The following OR1L8 variants were observed in gnomAD, a reference collection of about 807,000 sequenced individuals.
OR1L8 encodes olfactory receptor 1L8.
For synonymous variants in OR1L8, 148 were observed against 147.0 expected, an observed-to-expected ratio of 1.01 and a Z score of -0.05; for missense variants, 330 against 377.4, an observed-to-expected ratio of 0.87 and a Z score of 1.04.
the OR1L8 span, chr9:122,554,233 C>T: frequency 1.2e-5 from 14 of 1,188,332 alleles, no homozygotes; most frequent in Admixed American, 3.0e-4. Flanking sequence ...AGTAATTCTA[C>T]TACTGTCATG....
intron 1 of OR1L8, among the ~76,000 whole-genome samples, chr9:122,579,833 G>C (rs971366860): frequency 2.5e-4 from 38 of 152,220 alleles, no homozygotes; most frequent in African/African-American, 8.7e-4. Flanking sequence ...CCAGGAAATT[G>C]AGTGCTTACA....
At chr9:122,547,213 G>A in the OR1L8 span, among the ~76,000 whole-genome samples, 2 of 151,910 alleles carry the variant, frequency 1.3e-5, no homozygotes, top group Non-Finnish European at 2.9e-5. Context: ...TATTGTCTTT[G>A]ATAACCATTT....
intron 3 of OR1L8, among the ~76,000 whole-genome samples, chr9:122,573,374 A>G (rs1031839088): frequency 6.6e-6 from 1 of 152,244 alleles, no homozygotes; most frequent in Non-Finnish European, 1.5e-5. Context: ...AATGGTTATC[A>G]AGAGTGGATA....
intron 4 of OR1L8, among the ~76,000 whole-genome samples, chr9:122,570,286 A>C (rs935628901): frequency 3.9e-5 from 6 of 152,110 alleles, no homozygotes; most frequent in Admixed American, 1.3e-4. Flanking sequence ...ACTAGTTTAC[A>C]GTCCCACCAA....
In OR1L8 at chr9:122,574,961, G is replaced by A. The variant is rs530170264; in HGVS notation, c.-342+1805C>T. On this transcript the variant is annotated intron_variant, in intron 3 of 4. Transcript: ENST00000641027. ...TCTGCATCTATTTATGTATTCATGT[G>A]GCTTTTCTTTATTAGTTTATTGATG... 3.9e-5 allele frequency among the ~76,000 whole-genome samples: 6 copies of A among 152,080 alleles called. No individual in the cohort carries two copies. In the South Asian group the frequency reaches 1.2e-3, roughly 32 times the overall value.
At chr9:122,553,253 C>T in the OR1L8 span, 4 of 1,613,754 alleles carry the variant, frequency 2.5e-6, no homozygotes, top group East Asian at 6.7e-5. Context: ...CTGTTTCAGA[C>T]TTCCTCCTTC....
chr9:122,558,083 G>A, the OR1L8 span, among the ~76,000 whole-genome samples: 46,595 of 151,374 alleles, frequency 0.31, 8,030 homozygotes, highest in East Asian at 0.81. Flanking sequence ...TTAGTAACTT[G>A]TGTCTTCTTT....
At chr9:122,556,617 T>A in the OR1L8 span, among the ~76,000 whole-genome samples, 537 of 152,244 alleles carry the variant, frequency 3.5e-3, 1 homozygote, top group Non-Finnish European at 6.3e-3. Context: ...CAAACCACCA[T>A]GGCACATGTA....
chr9:122,561,645 G>C, the OR1L8 span, among the ~76,000 whole-genome samples: 1 of 152,076 alleles, frequency 6.6e-6, no homozygotes. Context: ...TATTCATCTG[G>C]TTCACTCCTG....
chr9:122,571,832 C>A (rs1259967366), intron 4 of OR1L8, among the ~76,000 whole-genome samples: 5 of 152,002 alleles, frequency 3.3e-5, no homozygotes, highest in Admixed American at 1.3e-4. Context: ...GATTTGTCCT[C>A]TATCACCTGC....
At chr9:122,549,915 T>C in the OR1L8 span, among the ~76,000 whole-genome samples, 1 of 152,192 alleles carries the variant, frequency 6.6e-6, no homozygotes, top group Non-Finnish European at 1.5e-5. Flanking sequence ...GGTATTTTGA[T>C]AGGAATTGCA....
At chr9:122,571,811 G>T (rs1829558277) in intron 4 of OR1L8, among the ~76,000 whole-genome samples, 1 of 152,124 alleles carries the variant, frequency 6.6e-6, no homozygotes, top group South Asian at 2.1e-4. Context: ...TGAGGCAGAA[G>T]ATGCAGGCTG....
chr9:122,556,601 G>T, the OR1L8 span, among the ~76,000 whole-genome samples: 1 of 152,036 alleles, frequency 6.6e-6, no homozygotes, highest in African/African-American at 2.4e-5. Context: ...AGGTTGAAAG[G>T]TGCAGCAAAC....
At chr9:122,547,353 T>C in the OR1L8 span, among the ~76,000 whole-genome samples, 1 of 152,092 alleles carries the variant, frequency 6.6e-6, no homozygotes, top group Non-Finnish European at 1.5e-5. Flanking sequence ...AACAATTTGA[T>C]TGTTTTATTT....
chr9:122,571,816 A>C (rs1282441834), intron 4 of OR1L8, among the ~76,000 whole-genome samples: 2 of 152,042 alleles, frequency 1.3e-5, no homozygotes. Flanking sequence ...CAGAAGATGC[A>C]GGCTGGATTT....
the OR1L8 span, chr9:122,554,032 A>T: frequency 3.1e-6 from 5 of 1,613,788 alleles, no homozygotes; most frequent in Non-Finnish European, 4.2e-6. Flanking sequence ...ACAGAGAGGG[A>T]AAGTAGGGCT....
intron 1 of OR1L8, among the ~76,000 whole-genome samples, chr9:122,580,890 T>C (rs1020281167): frequency 6.6e-6 from 1 of 152,138 alleles, no homozygotes; most frequent in Non-Finnish European, 1.5e-5. Flanking sequence ...ATAATGGTAA[T>C]TTGCTTTCTT....
At chr9:122,550,162 A>G in the OR1L8 span, among the ~76,000 whole-genome samples, 1 of 152,158 alleles carries the variant, frequency 6.6e-6, no homozygotes, top group Non-Finnish European at 1.5e-5. Context: ...GAGGAAATGG[A>G]TAAATTCTTG....
At chr9:122,548,454 C>A in the OR1L8 span, among the ~76,000 whole-genome samples, 9 of 152,166 alleles carry the variant, frequency 5.9e-5, no homozygotes, top group Non-Finnish European at 1.2e-4. Context: ...CCAGAGCAAT[C>A]TTCTTGCACC....
Sources: allele counts gnomAD v4.1 joint callset (sites outside exome capture counted in the v4.1 genomes callset), GRCh38; gene constraint gnomAD v4.1.1; transcripts MANE v1.5; gene names NCBI Gene and HGNC (gene_info 2026-07-23, HGNC 2026-07-21).